PALLD: variants seen among roughly 807,000 people sequenced by gnomAD.
PALLD encodes palladin.
Under a neutral mutation model 123.5 loss-of-function variants are expected in PALLD, and 61 were observed. The ratio of observed to expected loss-of-function variants is 0.49; its 90% CI spans 0.40 to 0.61. The LOEUF (loss-of-function observed/expected upper bound fraction) is 0.61, where lower values mean the gene tolerates loss of function less well. Ranked by LOEUF, PALLD falls within the 20% of genes least tolerant of loss-of-function variation. The pLI is 0.00. For missense variants in PALLD, 1,273 were observed against 1,377.0 expected (o/e 0.92, Z 1.20); for synonymous variants, 465 against 496.4 (o/e 0.94, Z 0.84).
Position 168,789,244 on chromosome 4 carries a change from A to G in PALLD, c.1964+77321A>G, listed in dbSNP as rs367915314. Among the ~76,000 whole-genome samples the G allele has an allele frequency of 1.3e-4, 20 of 152,314 alleles. No homozygotes were observed. In the East Asian group the frequency reaches 3.5e-3, roughly 26 times the overall value. ...ACTAGAACATTATACCATCTTTAAG[A>G]GGAGAGCTCAGATCAATGCATGCTA... On this transcript the variant is annotated intron_variant, in intron 10 of 21. Coordinates refer to ENST00000505667, the MANE Select transcript of PALLD (RefSeq NM_001166108.2).
intron 10 of PALLD, among the ~76,000 whole-genome samples, chr4:168,780,354 A>T (rs142058709): frequency 6.6e-6 from 1 of 152,214 alleles, no homozygotes; most frequent in African/African-American, 2.4e-5. Flanking sequence ...TGGCAATAAG[A>T]TGCAGTCCCT....
At chr4:168,722,874 A>C (rs1786161519) in intron 10 of PALLD, among the ~76,000 whole-genome samples, 1 of 152,230 alleles carries the variant, frequency 6.6e-6, no homozygotes, top group African/African-American at 2.4e-5. Flanking sequence ...AAGGAAACAG[A>C]TTCAACAAGA....
In PALLD at chr4:168,826,608, TA is replaced by T. The variant is rs777073732; in HGVS notation, c.1965-64313del. On this transcript the variant is annotated intron_variant, in intron 10 of 21. Coordinates refer to ENST00000505667, the MANE Select transcript of PALLD (RefSeq NM_001166108.2). The stretch of plus-strand genomic sequence containing the variant: ...TGCCAGCCCAAAGTAAAGTTCAGAT[TA>T]TTTTTTTTACTCTGTTTTTTAATTA... 1.9e-3 allele frequency among the ~76,000 whole-genome samples: 292 copies of T among 152,324 alleles called. 4 individuals are homozygous for T. The highest frequency in any genetic ancestry group is 2.5e-3 in the Non-Finnish European group (170 of 68,042).
intron 10 of PALLD, among the ~76,000 whole-genome samples, chr4:168,836,929 G>T (rs558722927): frequency 4.1e-4 from 62 of 152,182 alleles, no homozygotes; most frequent in African/African-American, 1.4e-3. Context: ...TATATAACAT[G>T]GTTTTTGTGG....
intron 10 of PALLD, among the ~76,000 whole-genome samples, chr4:168,741,347 T>A (rs1909858): frequency 2.3e-5 from 3 of 131,904 alleles, no homozygotes; most frequent in African/African-American, 7.6e-5. Context: ...TTTGTTTTTT[T>A]TGTGTGTGTG....
intron 15 of PALLD, 71 bp downstream of exon 15, chr4:168,903,977 C>A: frequency 7.2e-7 from 1 of 1,383,266 alleles, no homozygotes; most frequent in Non-Finnish European, 1.0e-6. Flanking sequence ...GACAAAGGAA[C>A]TATTTAAAAG....
chr4:168,802,060 G>A (rs1263475650), intron 10 of PALLD, among the ~76,000 whole-genome samples: 3 of 152,182 alleles, frequency 2.0e-5, no homozygotes, highest in African/African-American at 4.8e-5. Flanking sequence ...ACTTTATTTT[G>A]TTTGTGCACT....
At position 168,745,484 on chromosome 4, in the gene PALLD, T is replaced by G. The variant is rs10012994; in HGVS notation, c.1964+33561T>G. The stretch of plus-strand genomic sequence containing the variant: ...AAAGGGGATGTAACACTTTTTTTTT[T>G]CCTTCTTCAACTGGAATAGTTAGGG... On this transcript the variant is annotated intron_variant, in intron 10 of 21. Coordinates refer to ENST00000505667, the MANE Select transcript of PALLD (RefSeq NM_001166108.2). Among the ~76,000 whole-genome samples the G allele has an allele frequency of 5.4e-3, 821 of 152,178 alleles. 8 individuals are homozygous for G. The highest frequency in any genetic ancestry group is 0.019 in the African/African-American group (794 of 41,494).
chr4:168,638,076 A>G (rs1344412423), intron 2 of PALLD, among the ~76,000 whole-genome samples: 7 of 152,120 alleles, frequency 4.6e-5, no homozygotes, highest in African/African-American at 1.7e-4. Context: ...AAGGTCACAG[A>G]TGTTTCTTTT....
intron 2 of PALLD, among the ~76,000 whole-genome samples, chr4:168,554,684 A>G (rs185193757): frequency 6.6e-6 from 1 of 152,336 alleles, no homozygotes; most frequent in Admixed American, 6.5e-5. Context: ...GAAAGTCTTT[A>G]ATGCTCCATA....
intron 2 of PALLD, among the ~76,000 whole-genome samples, chr4:168,601,615 A>T (rs915482540): frequency 8.5e-5 from 12 of 140,974 alleles, no homozygotes; most frequent in African/African-American, 2.8e-4. Flanking sequence ...GATCTGTATT[A>T]AAAAAAAGAA....
chr4:168,607,909 A>C (rs1017917757), intron 2 of PALLD, among the ~76,000 whole-genome samples: 2 of 152,196 alleles, frequency 1.3e-5, no homozygotes, highest in African/African-American at 4.8e-5. Context: ...GGCACTCTAC[A>C]CTGTTGGGAT....
chr4:168,814,060 C>CA (rs951006805), intron 10 of PALLD, among the ~76,000 whole-genome samples: 4 of 151,934 alleles, frequency 2.6e-5, no homozygotes, highest in Non-Finnish European at 5.9e-5. Context: ...GAAGCAACAA[C>CA]AAAAAAATGT....
intron 10 of PALLD, among the ~76,000 whole-genome samples, chr4:168,719,486 C>T (rs1014660120): frequency 6.6e-6 from 1 of 152,052 alleles, no homozygotes; most frequent in Non-Finnish European, 1.5e-5. Context: ...TCTTGAACTC[C>T]TCACCTCAGG....
intron 10 of PALLD, among the ~76,000 whole-genome samples, chr4:168,849,486 T>C (rs59914576): frequency 0.034 from 5,201 of 152,310 alleles, 329 homozygotes; most frequent in African/African-American, 0.12. Flanking sequence ...GAAACTTCTT[T>C]AGTAACAATG....
At chr4:168,657,130 A>G (rs1012795902) in intron 2 of PALLD, among the ~76,000 whole-genome samples, 2 of 152,254 alleles carry the variant, frequency 1.3e-5, no homozygotes, top group Non-Finnish European at 2.9e-5. Context: ...ATGTGTTCCC[A>G]GAACACTGAT....
At chr4:168,691,434 T>A in intron 8 of PALLD, 142 bp downstream of exon 8, 1 of 686,466 alleles carries the variant, frequency 1.5e-6, no homozygotes, top group Non-Finnish European at 2.6e-6. Context: ...TGAAACCCCC[T>A]TAAAAACAAT....
chr4:168,925,703 ATTAAGAATTTAT>A (rs1319892334), intron 21 of PALLD, among the ~76,000 whole-genome samples: 2 of 152,292 alleles, frequency 1.3e-5, no homozygotes, highest in South Asian at 2.1e-4. Flanking sequence ...CTAGAAAAAA[ATTAAGAATTTAT>A]TTAAGAATTT....
At chr4:168,591,038 C>A (rs1189818363) in intron 2 of PALLD, among the ~76,000 whole-genome samples, 1 of 151,868 alleles carries the variant, frequency 6.6e-6, no homozygotes, top group East Asian at 1.9e-4. Flanking sequence ...TGCCACCATA[C>A]CCAGCTAATT....
Sources: gnomAD v4.1 joint callset for allele counts (sites outside exome capture counted in the v4.1 genomes callset) on GRCh38, gnomAD v4.1.1 for gene constraint, MANE v1.5 for transcripts, NCBI Gene and HGNC (gene_info 2026-07-23, HGNC 2026-07-21) for gene names.